Variants in TNRC18 observed in about 807,000 individuals in gnomAD.
The protein encoded by TNRC18 is trinucleotide repeat containing 18.
A neutral mutation model predicts 226.7 loss-of-function variants in TNRC18; 69 were observed. That is an observed-to-expected ratio of 0.30 (90% confidence interval 0.25 to 0.37). TNRC18 has a LOEUF of 0.37. TNRC18 is among the 10% of genes least tolerant of loss of function. The probability of loss-of-function intolerance (pLI) is 1.00; values close to 1 mark genes in which losing one functional copy is unlikely to be tolerated. For synonymous variants in TNRC18, 2,449 were observed against 1,927.6 expected (o/e 1.27, Z -7.09); for missense variants, 4,754 against 4,256.6 (o/e 1.12, Z -3.25).
Position 5,374,055 on chromosome 7 carries a change from C to A in TNRC18, c.3229G>T (p.Asp1077Tyr). Residue 1077 changes from aspartate (D) to tyrosine (Y), a missense_variant and splice_region_variant, in exon 10 of 30, where the codon GAT becomes TAT. Physicochemically the swap from Asp to Tyr is radical, Grantham distance 160 (BLOSUM62 -3). Transcript: ENST00000430969. ...APSPFQALFS[D>Y]IPPRYPFQAL... The stretch of plus-strand genomic sequence containing the variant: ...CCTGAGGGTCTCAGCTGCATCCTAC[C>A]TGAGAACAGGGCCTGGAAGGGGCTG... 6.4e-7 allele frequency: 1 copy of A among 1,558,258 alleles called. No individual in the cohort carries two copies. The highest frequency in any genetic ancestry group is 8.6e-7 in the Non-Finnish European group (1 of 1,157,332).
rs1452127835 is a variant in TNRC18 at position 5,361,514 on chromosome 7, G to GA, written c.4661+79dup. On this transcript the variant is annotated intron_variant, in intron 14 of 29. Coordinates refer to ENST00000430969, the MANE Select transcript of TNRC18 (RefSeq NM_001080495.3). ...GGGACGCGAGGTCCCCCAGCACCCC[G>GA]AGGCAGGCCCTGCGTGGGGCCCGGG... The GA allele has an allele frequency of 5.7e-6, 8 of 1,410,102 alleles. 1 individual carries two copies. The East Asian group carries it at 1.9e-4, about 34-fold the overall frequency. The allele number at this position is 1,410,102 out of a possible 1,614,324, so 87.3% of individuals were successfully genotyped here.
chr7:5,340,166 C>T (rs1232195347), intron 18 of TNRC18, among the ~76,000 whole-genome samples: 2 of 152,182 alleles, frequency 1.3e-5, no homozygotes, highest in Non-Finnish European at 2.9e-5. Flanking sequence ...TGCCAAACTG[C>T]CAGGCTGTGA....
intron 24 of TNRC18, among the ~76,000 whole-genome samples, chr7:5,317,526 G>C (rs1011850184): frequency 7.2e-5 from 11 of 152,068 alleles, no homozygotes; most frequent in Non-Finnish European, 1.2e-4. Context: ...GGGAGGTGGA[G>C]GCTGCAGTAA....
chr7:5,320,987 G>T, intron 22 of TNRC18, 86 bp downstream of exon 22: 1 of 978,932 alleles, frequency 1.0e-6, no homozygotes. Context: ...AGCCCAGAAA[G>T]GAGAAGCAGC....
rs368136377 is a variant in TNRC18, at chr7:5,377,952, C to T, written c.2225G>A (p.Arg742Gln). ...RHREERLLGA[R>Q]LDRDQEKLLR... The stretch of plus-strand genomic sequence containing the variant: ...CAGCTTCTCCTGATCCCGGTCCAGC[C>T]GTGCCCCGAGCAGCCGTTCCTCCCG... The change falls in exon 6 of 30, where the codon CGG becomes CAG. Residue 742 changes from arginine (R) to glutamine (Q), a missense_variant. Physicochemically the swap from Arg to Gln is conservative, Grantham distance 43 (BLOSUM62 1). Coordinates refer to ENST00000430969, the MANE Select transcript of TNRC18 (RefSeq NM_001080495.3). The surrounding 1 kb of genome is among the most constrained non-coding windows in gnomAD (Gnocchi z 5.8). 9.3e-6 allele frequency: 15 copies of T among 1,613,494 alleles called. No homozygotes were observed. Among genetic ancestry groups the T allele is most frequent in the Non-Finnish European group, 1.2e-5 (14 of 1,179,814 alleles).
chr7:5,404,302 C>T (rs754404190), intron 2 of TNRC18, among the ~76,000 whole-genome samples: 15 of 151,436 alleles, frequency 9.9e-5, no homozygotes, highest in Non-Finnish European at 1.6e-4. Flanking sequence ...ACCTGGGAGG[C>T]GGAGGTTGCA....
intron 3 of TNRC18, among the ~76,000 whole-genome samples, chr7:5,392,253 G>A (rs1780354806): frequency 6.6e-6 from 1 of 151,876 alleles, no homozygotes; most frequent in African/African-American, 2.4e-5. Context: ...CACGAGGTCA[G>A]GAGTTCGAGA....
chr7:5,410,322 AAAAAAAAAG>A (rs1251709424), intron 2 of TNRC18, among the ~76,000 whole-genome samples: 3 of 151,486 alleles, frequency 2.0e-5, no homozygotes, highest in African/African-American at 7.3e-5. Context: ...AAAAAAAAAA[AAAAAAAAAG>A]AAAAGAAAAA....
At position 5,374,458 on chromosome 7, in the gene TNRC18, G is replaced by A. The variant is rs751135106; in HGVS notation, c.2826C>T (p.His942=). 5.8e-6 allele frequency: 9 copies of A among 1,546,592 alleles called. No homozygotes were observed. The highest frequency in any genetic ancestry group is 5.5e-5 in the African/African-American group (4 of 72,436). Residue 942 remains histidine (H), a synonymous_variant, in exon 10 of 30, where the codon CAC becomes CAT. Transcript: ENST00000430969. Reference sequence around the variant, plus strand: ...TCCCCTTCTCTTCCATCTCCGCCCGGTGCTCCTGCGCCTTCAACCGCTCCT... The same window carrying A: ...TCCCCTTCTCTTCCATCTCCGCCCGATGCTCCTGCGCCTTCAACCGCTCCT... ...LVQERLKAQE[H]RAEMEEKGSK...
intron 2 of TNRC18, among the ~76,000 whole-genome samples, chr7:5,401,559 G>A (rs972237848): frequency 3.3e-5 from 5 of 152,086 alleles, no homozygotes; most frequent in Non-Finnish European, 7.3e-5. Flanking sequence ...GTTCCTTATT[G>A]TCTCTGCCCA....
rs202053648 is a variant in TNRC18, at chr7:5,366,318, CTTTTT to C, written c.4220-3498_4220-3494del. 5.8e-3 allele frequency among the ~76,000 whole-genome samples: 411 copies of C among 70,464 alleles called. 2 individuals carry two copies. Among genetic ancestry groups the C allele is most frequent in the Middle Eastern group, 0.025 (2 of 80 alleles). The allele number at this position is 70,464 out of a possible 152,430, so 46.2% of individuals were successfully genotyped here. On this transcript the variant is annotated intron_variant, in intron 11 of 29. Coordinates refer to ENST00000430969, the MANE Select transcript of TNRC18 (RefSeq NM_001080495.3). ...AATGCTTGTTTTGCTCTTCTTATAT[CTTTTT>C]TTTTTTTTTTTTTTTTTTTTTGTGA... is the stretch of plus-strand genomic sequence containing the variant.
intron 17 of TNRC18, among the ~76,000 whole-genome samples, chr7:5,349,156 C>A (rs370774424): frequency 6.6e-6 from 1 of 152,222 alleles, no homozygotes; most frequent in African/African-American, 2.4e-5. Context: ...AAGCCGAGAG[C>A]AGCCCAATGC....
In TNRC18 at chr7:5,394,665, C is replaced by G. The variant is rs1044035861; in HGVS notation, c.188-70G>C. The G allele has an allele frequency of 1.6e-6, 2 of 1,230,314 alleles. No individual in the cohort carries two copies. Among genetic ancestry groups the G allele is most frequent in the African/African-American group, 1.6e-5 (1 of 64,256 alleles). 76.2% of individuals were successfully genotyped at this position (1,230,314 alleles called of 1,614,324 possible). A position where few individuals can be genotyped will look rare whatever the true frequency, so the allele number is the denominator to read the frequency against. ...GGCGCCGCCGCCCCAGCCCACCGCC[C>G]CGACCCACCGCCCCGAGACCGCCGC... On this transcript the variant is annotated intron_variant, in intron 2 of 29. Coordinates refer to ENST00000430969, the MANE Select transcript of TNRC18 (RefSeq NM_001080495.3). This position sits in a 1 kb window ranked among gnomAD's most constrained non-coding sequence, Gnocchi z 4.5.
chr7:5,388,205 G>A lies in TNRC18; in HGVS notation c.1619C>T (p.Ala540Val), dbSNP rs1207026385. The change falls in exon 5 of 30, where the codon GCC (alanine) becomes GTC (valine). Residue 540 changes from alanine to valine, a missense_variant. By Grantham distance (64) the Ala-to-Val change is moderately conservative. Transcript: ENST00000430969. The part of the protein sequence containing the change: ...HHHSRAEEEA[A>V]VVAASSSKKA... ...CTTGGAGGAGGAGGCAGCGACCACG[G>A]CGGCCTCCTCTTCGGCGCGGCTGTG... The A allele has an allele frequency of 9.4e-6, 15 of 1,596,162 alleles. No homozygotes were observed. Among genetic ancestry groups the A allele is most frequent in the East Asian group, 2.3e-5 (1 of 43,964 alleles).
At chr7:5,399,789 G>A (rs910067036) in intron 2 of TNRC18, among the ~76,000 whole-genome samples, 8 of 152,240 alleles carry the variant, frequency 5.3e-5, no homozygotes, top group Middle Eastern at 3.4e-3. Flanking sequence ...AGGCCTAGGC[G>A]GGTGGATCGT....
chr7:5,409,652 C>G (rs28490388), intron 2 of TNRC18, among the ~76,000 whole-genome samples: 17,453 of 151,528 alleles, frequency 0.12, 1,670 homozygotes, highest in African/African-American at 0.25. Context: ...TTAAGAAAAT[C>G]TCCTAGAAAG....
At chr7:5,347,223 T>C (rs1445691435) in intron 17 of TNRC18, among the ~76,000 whole-genome samples, 1 of 149,670 alleles carries the variant, frequency 6.7e-6, no homozygotes, top group East Asian at 2.0e-4. Flanking sequence ...AGTCTCGCTC[T>C]GTCACCCAGG....
intron 1 of TNRC18, among the ~76,000 whole-genome samples, chr7:5,422,336 C>T (rs1364176043): frequency 7.1e-6 from 1 of 141,150 alleles, no homozygotes; most frequent in East Asian, 2.4e-4. Context: ...GCTTCCCCCC[C>T]CACAACCACC....
rs1017382008 is a variant in TNRC18, at chr7:5,419,413, C to G, written c.187+1647G>C. Among the ~76,000 whole-genome samples, 33 of 152,056 alleles carry G rather than the reference C, an allele frequency of 2.2e-4. No homozygotes were observed. The Middle Eastern group carries it at 0.01, about 47-fold the overall frequency. On this transcript the variant is annotated intron_variant, in intron 2 of 29. Transcript: ENST00000430969. Reference sequence around the variant, plus strand: ...TACCGATTCCCAGGCTTGGGGGGGGCCCCCCTGCCACCACTCCGGGCTGGA... The same window carrying G: ...TACCGATTCCCAGGCTTGGGGGGGGGCCCCCTGCCACCACTCCGGGCTGGA...
Sources: gnomAD v4.1 joint callset for allele counts (sites outside exome capture counted in the v4.1 genomes callset) on GRCh38, gnomAD v4.1.1 for gene constraint, Gnocchi (gnomAD v3.1) non-coding constraint, MANE v1.5 for transcripts, NCBI Gene and HGNC (gene_info 2026-07-23, HGNC 2026-07-21) for gene names.